Variants in SLC4A4 observed in about 807,000 individuals in gnomAD.
The protein encoded by SLC4A4 is electrogenic sodium bicarbonate cotransporter 1.
A neutral mutation model predicts 111.5 loss-of-function variants in SLC4A4; 27 were observed. The ratio of observed to expected loss-of-function variants is 0.24; its 90% CI spans 0.18 to 0.33. The LOEUF is 0.33. Ranked by LOEUF, SLC4A4 falls within the 10% of genes least tolerant of loss-of-function variation. The pLI is 1.00. For missense variants in SLC4A4, 909 were observed against 1,315.5 expected (o/e 0.69, Z 4.78); for synonymous variants, 443 against 463.4 (o/e 0.96, Z 0.57).
At chr4:71,331,412 TG>T (rs1727980242) in intron 3 of SLC4A4, among the ~76,000 whole-genome samples, 1 of 152,120 alleles carries the variant, frequency 6.6e-6, no homozygotes, top group African/African-American at 2.4e-5. Flanking sequence ...TAAAAAATGA[TG>T]AGTTCATGTC....
At chr4:71,406,208 G>A (rs1720836268) in intron 7 of SLC4A4, among the ~76,000 whole-genome samples, 1 of 151,840 alleles carries the variant, frequency 6.6e-6, no homozygotes, top group South Asian at 2.1e-4. Flanking sequence ...ATGCATATAT[G>A]CCAGACTGTA....
intron 2 of SLC4A4, among the ~76,000 whole-genome samples, chr4:71,109,369 AATCC>A (rs1743028262): frequency 6.6e-6 from 1 of 151,992 alleles, no homozygotes; most frequent in South Asian, 2.1e-4. Flanking sequence ...CAATCCTTTA[AATCC>A]CCTGGAAGTC....
chr4:71,076,576 T>C (rs559436092), intron 1 of SLC4A4, among the ~76,000 whole-genome samples: 53 of 152,154 alleles, frequency 3.5e-4, no homozygotes, highest in African/African-American at 1.2e-3. Flanking sequence ...CACTTTAATG[T>C]GAAGGTTTGT....
chr4:71,362,724 A>G (rs1017090362), intron 6 of SLC4A4, among the ~76,000 whole-genome samples: 25 of 152,178 alleles, frequency 1.6e-4, no homozygotes, highest in African/African-American at 5.3e-4. Flanking sequence ...ATCTTTTGCT[A>G]AATGGGTGTC....
chr4:71,124,690 C>T (rs565427454), intron 2 of SLC4A4, among the ~76,000 whole-genome samples: 2 of 152,108 alleles, frequency 1.3e-5, no homozygotes, highest in Non-Finnish European at 1.5e-5. Flanking sequence ...AATTATTTAC[C>T]AAAAATATTG....
chr4:71,408,215 A>T (rs933740215), intron 7 of SLC4A4, among the ~76,000 whole-genome samples: 2 of 152,176 alleles, frequency 1.3e-5, no homozygotes, highest in African/African-American at 2.4e-5. Context: ...CAGGAGAAAC[A>T]TCCATCCAGG....
intron 2 of SLC4A4, among the ~76,000 whole-genome samples, chr4:71,128,647 C>T (rs575636001): frequency 2.6e-5 from 4 of 152,172 alleles, no homozygotes; most frequent in East Asian, 3.9e-4. Context: ...AACCACCGTG[C>T]CAAGCTAATT....
chr4:71,368,986 G>T (rs1272418267), intron 6 of SLC4A4, among the ~76,000 whole-genome samples: 1 of 152,052 alleles, frequency 6.6e-6, no homozygotes, highest in Non-Finnish European at 1.5e-5. Flanking sequence ...CCTCATCCTT[G>T]CTGTGGCTGC....
intron 3 of SLC4A4, among the ~76,000 whole-genome samples, chr4:71,315,407 T>A (rs1726602757): frequency 6.6e-6 from 1 of 152,144 alleles, no homozygotes; most frequent in Admixed American, 6.6e-5. Flanking sequence ...TGATTACAGT[T>A]TTTAATCATA....
At chr4:71,415,946 T>C (rs1316677063) in intron 7 of SLC4A4, among the ~76,000 whole-genome samples, 1 of 152,162 alleles carries the variant, frequency 6.6e-6, no homozygotes, top group East Asian at 1.9e-4. Flanking sequence ...TTCCACAGAG[T>C]AATCATTTAT....
chr4:71,071,743 T>G (rs759647557), intron 1 of SLC4A4, among the ~76,000 whole-genome samples: 39 of 152,180 alleles, frequency 2.6e-4, no homozygotes, highest in Non-Finnish European at 4.9e-4. Flanking sequence ...CATTCCACAT[T>G]GATACATATA....
intron 16 of SLC4A4, among the ~76,000 whole-genome samples, chr4:71,515,848 A>G (rs768249201): frequency 2.6e-4 from 39 of 151,966 alleles, no homozygotes; most frequent in South Asian, 8.3e-4. Flanking sequence ...TTCAGTCTAT[A>G]TGTCCTTACT....
chr4:71,135,757 C>T (rs1229201263), intron 2 of SLC4A4, among the ~76,000 whole-genome samples: 1 of 152,092 alleles, frequency 6.6e-6, no homozygotes, highest in Non-Finnish European at 1.5e-5. Context: ...CTGACAACCA[C>T]CATTCTACTT....
At chr4:71,122,374 G>A (rs1743458083) in intron 2 of SLC4A4, among the ~76,000 whole-genome samples, 1 of 151,124 alleles carries the variant, frequency 6.6e-6, no homozygotes. Flanking sequence ...GTGAGAGGGC[G>A]ATCTTAAAAA....
At chr4:71,530,966 TC>T (rs1733861312) in intron 16 of SLC4A4, among the ~76,000 whole-genome samples, 1 of 152,148 alleles carries the variant, frequency 6.6e-6, no homozygotes, top group South Asian at 2.1e-4. Flanking sequence ...GGAGCAGGCT[TC>T]CTTGTATATA....
At position 71,261,902 on chromosome 4, in the gene SLC4A4, G is replaced by A. The variant is rs537199392; in HGVS notation, c.253+6503G>A. On this transcript the variant is annotated intron_variant, in intron 3 of 25. Coordinates refer to ENST00000264485, the MANE Select transcript of SLC4A4 (RefSeq NM_001098484.3). Reference sequence around the variant, plus strand: ...AGGGTTCTAGTGTACTCCACGTGCTGGGGTGCTCAGGGCTAAAAAGAGATT... The same window carrying A: ...AGGGTTCTAGTGTACTCCACGTGCTAGGGTGCTCAGGGCTAAAAAGAGATT... Among the ~76,000 whole-genome samples, 4 of 152,252 alleles carry A rather than the reference G, an allele frequency of 2.6e-5. No homozygotes were observed. In the South Asian group the frequency reaches 8.3e-4, roughly 32 times the overall value.
rs769920196 is a variant in SLC4A4, at chr4:71,472,892, G to A, written c.1825G>A (p.Asp609Asn). The change falls in exon 14 of 26, where the codon GAT becomes AAT. Residue 609 changes from aspartate to asparagine, a missense_variant. By Grantham distance (23) the Asp-to-Asn change is conservative (BLOSUM62 1). Transcript: ENST00000264485. ...DAFKKMIKLA[D>N]YYPINSNFKV... ...TTTCAAGAAGATGATCAAGCTTGCAGATTACTACCCCATCAACTCCAACTT... is the reference window on the plus strand; with the variant it reads ...TTTCAAGAAGATGATCAAGCTTGCAAATTACTACCCCATCAACTCCAACTT... The A allele has an allele frequency of 1.9e-5, 31 of 1,612,786 alleles. No homozygotes were observed. The highest frequency in any genetic ancestry group is 2.7e-5 in the African/African-American group (2 of 74,802).
At chr4:71,445,302 T>G (rs377734839) in intron 8 of SLC4A4, among the ~76,000 whole-genome samples, 1 of 152,226 alleles carries the variant, frequency 6.6e-6, no homozygotes, top group African/African-American at 2.4e-5. Context: ...GTTTGAGGAC[T>G]ATTAATGACT....
At chr4:71,341,992 A>G (rs1308232525) in intron 4 of SLC4A4, among the ~76,000 whole-genome samples, 1 of 152,136 alleles carries the variant, frequency 6.6e-6, no homozygotes, top group Non-Finnish European at 1.5e-5. Context: ...TTTATTTTCA[A>G]TTTACTGGGT....
Sources: gnomAD v4.1 joint callset for allele counts (sites outside exome capture counted in the v4.1 genomes callset) on GRCh38, gnomAD v4.1.1 for gene constraint, MANE v1.5 for transcripts, NCBI Gene and HGNC (gene_info 2026-07-23, HGNC 2026-07-21) for gene names.